Variants in AGMO observed in about 807,000 individuals in gnomAD.
The protein encoded by AGMO is alkylglycerol monooxygenase, also known as glyceryl-ether monooxygenase.
In AGMO, 75 loss-of-function variants were observed where a neutral mutation model predicts 60.2. That is an observed-to-expected ratio of 1.25 (90% CI 1.03 to 1.51). AGMO has a LOEUF of 1.51. Among genes scored for constraint, AGMO ranks in the 40% most tolerant of loss-of-function variants. The pLI, the probability that AGMO is intolerant of heterozygous loss-of-function variation, is 0.00. For missense variants in AGMO, 763 were observed against 525.5 expected (o/e 1.45, Z -4.42); for synonymous variants, 261 against 177.1 (o/e 1.47, Z -3.76).
At chr7:15,556,760 T>C (rs993647331) in intron 2 of AGMO, among the ~76,000 whole-genome samples, 6 of 152,088 alleles carry the variant, frequency 3.9e-5, no homozygotes, top group Non-Finnish European at 7.4e-5. Context: ...TCAAGTTTAA[T>C]TTTTTTACAG....
intron 12 of AGMO, among the ~76,000 whole-genome samples, chr7:15,254,366 G>C (rs886715638): frequency 6.6e-6 from 1 of 152,082 alleles, no homozygotes; most frequent in Non-Finnish European, 1.5e-5. Flanking sequence ...GAGTATCAGA[G>C]TTCCCCTTTC....
chr7:15,396,527 G>A (rs10269015), intron 5 of AGMO: 9,176 of 152,274 alleles, frequency 0.06, 357 homozygotes, highest in African/African-American at 0.1. Flanking sequence ...ACATTGCAAA[G>A]AGCAAAAGAA....
chr7:15,182,543 G>A, the AGMO span, among the ~76,000 whole-genome samples: 1 of 152,082 alleles, frequency 6.6e-6, no homozygotes, highest in African/African-American at 2.4e-5. Context: ...TGCCTCCCGA[G>A]TAGCCGGGAC....
chr7:15,365,522 C>G lies in AGMO; in HGVS notation c.1255G>C (p.Ala419Pro). 5 of 1,610,184 alleles carry G rather than the reference C, an allele frequency of 3.1e-6. No homozygotes were observed. Among genetic ancestry groups the G allele is most frequent in the Non-Finnish European group, 4.2e-6 (5 of 1,177,022 alleles). ...CTAAACAAATGTCTTACCTCAAAAGCAGATGACAATGAAGGGACAAGAGGC... is the reference window on the plus strand; with the variant it reads ...CTAAACAAATGTCTTACCTCAAAAGGAGATGACAATGAAGGGACAAGAGGC... The part of the protein sequence containing the change: ...LKPLVPSLSS[A>P]FEIVFSICIA... Residue 419 changes from alanine to proline, a missense_variant, in exon 12 of 13, where the codon GCT becomes CCT. By Grantham distance (27) the Ala-to-Pro change is conservative. Transcript: ENST00000342526.
intron 3 of AGMO, among the ~76,000 whole-genome samples, chr7:15,447,951 T>C (rs1781747310): frequency 6.6e-6 from 1 of 152,220 alleles, no homozygotes; most frequent in African/African-American, 2.4e-5. Context: ...ATGGGGGGTT[T>C]TGTTTCTTAT....
the AGMO span, among the ~76,000 whole-genome samples, chr7:15,171,828 G>T: frequency 5.3e-5 from 8 of 151,934 alleles, no homozygotes; most frequent in African/African-American, 1.9e-4. Context: ...GAAATTTGGG[G>T]GAAAGATTCA....
chr7:15,178,398 A>C, the AGMO span, among the ~76,000 whole-genome samples: 1 of 152,194 alleles, frequency 6.6e-6, no homozygotes, highest in East Asian at 1.9e-4. Context: ...GAGAAGTCTG[A>C]AACTCATTTA....
At chr7:15,246,242 G>A (rs1004273965) in intron 12 of AGMO, among the ~76,000 whole-genome samples, 3 of 152,118 alleles carry the variant, frequency 2.0e-5, no homozygotes, top group African/African-American at 7.2e-5. Context: ...AAATAAATAA[G>A]CGTTTTTTCC....
At chr7:15,367,551 T>C (rs1212813325) in intron 10 of AGMO, among the ~76,000 whole-genome samples, 1 of 152,106 alleles carries the variant, frequency 6.6e-6, no homozygotes, top group Non-Finnish European at 1.5e-5. Context: ...AAACTCAAAA[T>C]AGGCCTGCCT....
intron 3 of AGMO, among the ~76,000 whole-genome samples, chr7:15,488,989 A>T (rs975196987): frequency 6.6e-6 from 1 of 152,192 alleles, no homozygotes; most frequent in Non-Finnish European, 1.5e-5. Flanking sequence ...TTACGATGTG[A>T]CATATCAGTT....
intron 12 of AGMO, among the ~76,000 whole-genome samples, chr7:15,253,572 A>G (rs2128507213): frequency 6.6e-6 from 1 of 152,246 alleles, no homozygotes; most frequent in East Asian, 1.9e-4. Context: ...TTTAAAATGG[A>G]CACATAATGA....
At chr7:15,504,958 T>G (rs1167521225) in intron 3 of AGMO, among the ~76,000 whole-genome samples, 1 of 151,960 alleles carries the variant, frequency 6.6e-6, no homozygotes, top group Non-Finnish European at 1.5e-5. Context: ...ATATCATCAG[T>G]AATCATTCCC....
At chr7:15,335,320 G>A (rs1180626949) in intron 12 of AGMO, among the ~76,000 whole-genome samples, 1 of 152,094 alleles carries the variant, frequency 6.6e-6, no homozygotes, top group East Asian at 1.9e-4. Flanking sequence ...TAATACTGAT[G>A]AAAGAAAATA....
At chr7:15,368,280 CAA>C (rs34220868) in intron 10 of AGMO, among the ~76,000 whole-genome samples, 5 of 123,432 alleles carry the variant, frequency 4.1e-5, no homozygotes, top group South Asian at 2.6e-4. Flanking sequence ...AGAATGAGAC[CAA>C]AAAAAAAAAA....
At chr7:15,250,269 C>G (rs1048847340) in intron 12 of AGMO, among the ~76,000 whole-genome samples, 11 of 152,162 alleles carry the variant, frequency 7.2e-5, no homozygotes, top group Middle Eastern at 3.4e-3. Flanking sequence ...TTTATATTCC[C>G]ACTACTGTAC....
chr7:15,306,266 C>A (rs1343752625), intron 12 of AGMO: 2 of 235,000 alleles, frequency 8.5e-6, no homozygotes, highest in South Asian at 9.1e-5. Context: ...TTTTTTATTT[C>A]ATACTAATAA....
At chr7:15,202,442 C>A (rs569389148) in intron 12 of AGMO, among the ~76,000 whole-genome samples, 8 of 80,582 alleles carry the variant, frequency 9.9e-5, no homozygotes, top group Non-Finnish European at 1.5e-4. Flanking sequence ...TCACCAACAA[C>A]CAAAATACAA....
At chr7:15,474,220 CA>C (rs1562525565) in intron 3 of AGMO, among the ~76,000 whole-genome samples, 1 of 151,864 alleles carries the variant, frequency 6.6e-6, no homozygotes, top group African/African-American at 2.4e-5. Context: ...CATATGGAAC[CA>C]AAAAAGAGCC....
chr7:15,324,314 C>CAT (rs1781271847), intron 12 of AGMO, among the ~76,000 whole-genome samples: 8 of 152,146 alleles, frequency 5.3e-5, no homozygotes, highest in Non-Finnish European at 8.8e-5. Flanking sequence ...CCTGTCCCCA[C>CAT]GTGTTTGTCT....
Sources: gnomAD v4.1 joint callset for allele counts (sites outside exome capture counted in the v4.1 genomes callset) on GRCh38, gnomAD v4.1.1 for gene constraint, MANE v1.5 for transcripts, NCBI Gene and HGNC (gene_info 2026-07-23, HGNC 2026-07-21) for gene names.